KIF21A: variants seen among roughly 807,000 people sequenced by gnomAD.
KIF21A encodes the protein kinesin-like protein KIF21A.
A neutral mutation model predicts 202.9 loss-of-function variants in KIF21A; 114 were observed. The ratio of observed to expected loss-of-function variants is 0.56; its 90% CI spans 0.48 to 0.66. The LOEUF is 0.66. KIF21A is among the 30% of genes least tolerant of loss of function. The pLI is 0.00. For missense variants in KIF21A, 1,677 were observed against 1,994.9 expected (o/e 0.84, Z 3.04); for synonymous variants, 667 against 670.8 (o/e 0.99, Z 0.09).
chr12:39,366,126 C>T (rs186722037), intron 6 of KIF21A, among the ~76,000 whole-genome samples: 54 of 151,926 alleles, frequency 3.6e-4, no homozygotes, highest in Non-Finnish European at 2.9e-4. Context: ...AATTTTAGTA[C>T]GACTAAATTT....
intron 1 of KIF21A, among the ~76,000 whole-genome samples, chr12:39,407,836 C>A (rs182803905): frequency 1.3e-4 from 20 of 152,072 alleles, no homozygotes; most frequent in African/African-American, 4.8e-4. Flanking sequence ...AAACAAAAAT[C>A]TCTCTCAATT....
intron 1 of KIF21A, among the ~76,000 whole-genome samples, chr12:39,405,101 T>C (rs1469355397): frequency 6.6e-6 from 1 of 152,168 alleles, no homozygotes; most frequent in East Asian, 1.9e-4. Flanking sequence ...CATATAATCC[T>C]AGCACTTTGG....
intron 11 of KIF21A, among the ~76,000 whole-genome samples, chr12:39,350,466 T>C (rs1048906176): frequency 6.6e-6 from 1 of 152,040 alleles, no homozygotes; most frequent in Non-Finnish European, 1.5e-5. Flanking sequence ...AGTCATACCA[T>C]TTGACATTTT....
chr12:39,367,338 G>A, intron 4 of KIF21A, 174 bp from the exon 5 acceptor site: 2 of 656,190 alleles, frequency 3.0e-6, no homozygotes, highest in Non-Finnish European at 5.3e-6. Context: ...CAGTATAATA[G>A]TGTATTATTT....
In KIF21A at chr12:39,301,660, T is replaced by C. The variant is rs1490739730; in HGVS notation, c.4751A>G (p.Lys1584Arg). 18 of 1,614,084 alleles carry C rather than the reference T, an allele frequency of 1.1e-5. No homozygotes were observed. The highest frequency in any genetic ancestry group is 1.5e-5 in the Non-Finnish European group (18 of 1,179,956). Residue 1584 changes from lysine to arginine, a missense_variant, in exon 37 of 38, where the codon AAG (lysine) becomes AGG (arginine). Physicochemically the swap from Lys to Arg is conservative, Grantham distance 26. Coordinates refer to ENST00000361418, the MANE Select transcript of KIF21A (RefSeq NM_001173464.2). Reference protein sequence around the residue: ...DLLQQVPNAHKDWVCALGVVP... With the variant: ...DLLQQVPNAHRDWVCALGVVP... ...CACTCCCAGGGCACAGACCCAATCC[T>C]TATGTGCATTTGGAACTTGCTAAAA...
At chr12:39,314,833 T>C (rs1397238666) in intron 31 of KIF21A, among the ~76,000 whole-genome samples, 1 of 151,908 alleles carries the variant, frequency 6.6e-6, no homozygotes, top group Admixed American at 6.6e-5. Context: ...GAGATCAGGA[T>C]GCCCTTTTTT....
At chr12:39,301,385 T>G in intron 37 of KIF21A, 95 bp downstream of exon 37, 1 of 980,664 alleles carries the variant, frequency 1.0e-6, no homozygotes, top group East Asian at 2.5e-5. Context: ...ATAAGAAGGA[T>G]TTTGTATATT....
intron 24 of KIF21A, among the ~76,000 whole-genome samples, chr12:39,327,606 TA>T (rs1946080515): frequency 7.2e-5 from 11 of 152,204 alleles, no homozygotes; most frequent in Admixed American, 7.2e-4. Context: ...AAGTGCTTCG[TA>T]AAAAGCTCTT....
intron 33 of KIF21A, among the ~76,000 whole-genome samples, chr12:39,308,049 AT>A (rs202085517): frequency 6.6e-6 from 1 of 151,552 alleles, no homozygotes; most frequent in African/African-American, 2.4e-5. Flanking sequence ...AAAAGATTAG[AT>A]TTTTTTTTAA....
In KIF21A at chr12:39,307,704, C is replaced by G; in HGVS notation, c.4303G>C (p.Asp1435His). The G allele has an allele frequency of 1.2e-6, 2 of 1,614,030 alleles. No homozygotes were observed. Among genetic ancestry groups the G allele is most frequent in the Middle Eastern group, 1.7e-4 (1 of 6,058 alleles). The change falls in exon 34 of 38, where the codon GAT becomes CAT. Residue 1435 changes from aspartate (D) to histidine (H), a missense_variant. Coordinates refer to ENST00000361418, the MANE Select transcript of KIF21A (RefSeq NM_001173464.2). ...CGACTGGTACTTGCAGAACAAGCAT[C>G]TCCAAGAGTAACTTGACCTGAAGAC... ...LTSSGQVTLG[D>H]ACSASTSRTV...
At chr12:39,308,379 C>T (rs1010065868) in intron 33 of KIF21A, among the ~76,000 whole-genome samples, 1 of 150,656 alleles carries the variant, frequency 6.6e-6, no homozygotes, top group African/African-American at 2.4e-5. Flanking sequence ...CAGAGCAAGA[C>T]TCCGTCTCAA....
chr12:39,379,112 AC>A (rs1950446480), intron 1 of KIF21A, among the ~76,000 whole-genome samples: 1 of 152,092 alleles, frequency 6.6e-6, no homozygotes, highest in Admixed American at 6.5e-5. Flanking sequence ...CAGGCGGATC[AC>A]AAGGCCATGA....
In KIF21A at chr12:39,366,381, G is replaced by C. The variant is rs1478587281; in HGVS notation, c.872C>G (p.Ala291Gly). The C allele has an allele frequency of 6.2e-7, 1 of 1,613,918 alleles. No homozygotes were observed. ...ACAGTTGATAGAAATGCCTTCTTTT[G>C]CCCTCTCGCCTGTAGCTCCAGTACG... ...LKRTGATGER[A>G]KEGISINCGL... is the part of the protein sequence containing the mutation. The change falls in exon 6 of 38, where the codon GCA (alanine) becomes GGA (glycine). Residue 291 changes from alanine (A) to glycine (G), a missense_variant. By Grantham distance (60) the Ala-to-Gly change is moderately conservative. Around this residue, in one of 3 missense-constraint regions of KIF21A, gnomAD observed 966 missense variants for 1,180.9 expected, o/e 0.82. Transcript: ENST00000361418.
chr12:39,390,733 T>C (rs1019686028), intron 1 of KIF21A, among the ~76,000 whole-genome samples: 4 of 152,140 alleles, frequency 2.6e-5, no homozygotes, highest in African/African-American at 4.8e-5. Context: ...AAAGAGATGA[T>C]TAATAGCACT....
At chr12:39,336,456 A>G (rs1165823651) in intron 17 of KIF21A, among the ~76,000 whole-genome samples, 1 of 152,182 alleles carries the variant, frequency 6.6e-6, no homozygotes, top group Non-Finnish European at 1.5e-5. Flanking sequence ...CATTTTTCAG[A>G]TAAGTATACA....
Position 39,307,613 on chromosome 12 carries a change from A to G in KIF21A, c.4394T>C (p.Phe1465Ser). The stretch of plus-strand genomic sequence containing the variant: ...AGCATTTCCAGAAGCAGCATAGAGG[A>G]AGGTGCCAGTTGGGTTTAGGGCAAT... ...NQIALNPTGT[F>S]LYAASGNAVR... Residue 1465 changes from phenylalanine (F) to serine (S), a missense_variant, in exon 34 of 38, where the codon TTC (phenylalanine) becomes TCC (serine). Transcript: ENST00000361418. 1 of 1,614,154 alleles carries G rather than the reference A, an allele frequency of 6.2e-7. No homozygotes were observed. Among genetic ancestry groups the G allele is most frequent in the Non-Finnish European group, 8.5e-7 (1 of 1,179,982 alleles).
intron 27 of KIF21A, chr12:39,321,576 G>A (rs1945264806): frequency 6.6e-6 from 1 of 152,128 alleles, no homozygotes; most frequent in African/African-American, 2.4e-5. Flanking sequence ...AATTACATAG[G>A]CCACCTCAAG....
At chr12:39,336,884 T>C (rs1384217471) in intron 17 of KIF21A, among the ~76,000 whole-genome samples, 1 of 152,172 alleles carries the variant, frequency 6.6e-6, no homozygotes, top group Non-Finnish European at 1.5e-5. Context: ...TCAAATAAAA[T>C]ATATAATATT....
chr12:39,369,968 A>G, intron 2 of KIF21A, 57 bp from the exon 3 acceptor site: 23 of 1,596,510 alleles, frequency 1.4e-5, no homozygotes, highest in Non-Finnish European at 1.7e-5. Flanking sequence ...CTTAAGAAAC[A>G]AAAATGAAAG....
Sources: gnomAD v4.1 joint callset for allele counts (sites outside exome capture counted in the v4.1 genomes callset) on GRCh38, gnomAD v4.1.1 for gene constraint, gnomAD v4.1.1 regional missense constraint, MANE v1.5 for transcripts, NCBI Gene and HGNC (gene_info 2026-07-23, HGNC 2026-07-21) for gene names.